The following CLSTN2 variants were observed in gnomAD, a reference collection of about 807,000 sequenced individuals.
CLSTN2 encodes calsyntenin 2, also known as calsyntenin-2.
A neutral mutation model predicts 101.2 loss-of-function variants in CLSTN2; 48 were observed. The observed-to-expected ratio is 0.47, with a 90% confidence interval of 0.38 to 0.60. The LOEUF is 0.60. Ranked by LOEUF, CLSTN2 falls within the 20% of genes least tolerant of loss-of-function variation. The probability of loss-of-function intolerance (pLI) is 0.00; values close to 1 mark genes in which losing one functional copy is unlikely to be tolerated. For missense variants in CLSTN2, 1,160 were observed against 1,238.2 expected, an observed-to-expected ratio of 0.94 and a Z score of 0.95; for synonymous variants, 481 against 463.6, an observed-to-expected ratio of 1.04 and a Z score of -0.48.
chr3:140,269,396 C>T (rs2086721697), intron 2 of CLSTN2, among the ~76,000 whole-genome samples: 1 of 152,212 alleles, frequency 6.6e-6, no homozygotes, highest in African/African-American at 2.4e-5. Context: ...TCACCTTTCT[C>T]CTGGCACGAT....
intron 2 of CLSTN2, among the ~76,000 whole-genome samples, chr3:140,290,638 G>T (rs557663288): frequency 6.6e-6 from 1 of 152,184 alleles, no homozygotes; most frequent in Admixed American, 6.5e-5. Flanking sequence ...GACAAGGAAA[G>T]GCTTTCCCTG....
chr3:140,175,836 T>A, intron 1 of CLSTN2, 115 bp from the exon 2 acceptor site: 1 of 1,012,792 alleles, frequency 9.9e-7, no homozygotes, highest in Non-Finnish European at 1.4e-6. Flanking sequence ...ATGTCTCTCA[T>A]GGGATTGTTG....
chr3:140,449,491 G>C (rs2081802), intron 6 of CLSTN2: 42,910 of 152,068 alleles, frequency 0.28, 7,030 homozygotes, highest in East Asian at 0.46. Flanking sequence ...AATGAAGGAG[G>C]TGACATTAAA....
At chr3:140,273,827 T>TCATAAATCCTAA (rs1277763756) in intron 2 of CLSTN2, among the ~76,000 whole-genome samples, 1 of 152,190 alleles carries the variant, frequency 6.6e-6, no homozygotes, top group East Asian at 1.9e-4. Context: ...CACTTTGTAG[T>TCATAAATCCTAA]TGATCAGTTC....
chr3:140,121,794 A>C (rs2009345044), intron 1 of CLSTN2, among the ~76,000 whole-genome samples: 1 of 152,194 alleles, frequency 6.6e-6, no homozygotes, highest in Non-Finnish European at 1.5e-5. Flanking sequence ...GAGACTGTCC[A>C]TAGCAGGGCA....
chr3:140,418,501 C>CTTT (rs1559863716), intron 4 of CLSTN2, among the ~76,000 whole-genome samples: 1 of 90,020 alleles, frequency 1.1e-5, no homozygotes, highest in African/African-American at 1.0e-4. Flanking sequence ...TTCTTTCTTT[C>CTTT]TTTCTTTCTT....
chr3:140,320,503 G>A (rs530300565), intron 2 of CLSTN2, among the ~76,000 whole-genome samples: 3 of 152,140 alleles, frequency 2.0e-5, no homozygotes, highest in South Asian at 2.1e-4. Flanking sequence ...TGTTGGCACT[G>A]AGCAGACACC....
intron 2 of CLSTN2, among the ~76,000 whole-genome samples, chr3:140,308,770 G>GT (rs1553730458): frequency 2.0e-5 from 3 of 152,212 alleles, no homozygotes; most frequent in Non-Finnish European, 2.9e-5. Flanking sequence ...CTTCACTCCA[G>GT]TTTTATGCTA....
chr3:140,070,121 T>C (rs774779551), intron 1 of CLSTN2, among the ~76,000 whole-genome samples: 1 of 152,236 alleles, frequency 6.6e-6, no homozygotes, highest in Non-Finnish European at 1.5e-5. Flanking sequence ...AGCACATTTG[T>C]GGTCACCTAT....
At chr3:140,020,139 G>T (rs1196468794) in intron 1 of CLSTN2, among the ~76,000 whole-genome samples, 2 of 152,142 alleles carry the variant, frequency 1.3e-5, no homozygotes, top group Non-Finnish European at 2.9e-5. Flanking sequence ...GGAGTGCCTT[G>T]CCTGGCATGT....
chr3:140,475,661 A>C (rs555854049), intron 8 of CLSTN2, among the ~76,000 whole-genome samples: 12 of 152,266 alleles, frequency 7.9e-5, no homozygotes, highest in Admixed American at 7.2e-4. Flanking sequence ...AAAGATGCTA[A>C]TGATTCTACA....
chr3:140,169,399 T>C (rs923049818), intron 1 of CLSTN2, among the ~76,000 whole-genome samples: 1 of 152,170 alleles, frequency 6.6e-6, no homozygotes, highest in Non-Finnish European at 1.5e-5. Context: ...AATTTTTGCA[T>C]TGATTATCAT....
chr3:140,572,139 A>T lies in CLSTN2; in HGVS notation c.*5886A>T, dbSNP rs1205747645. 1 of 152,240 alleles carries T rather than the reference A, an allele frequency of 6.6e-6. No homozygotes were observed. Among genetic ancestry groups the T allele is most frequent in the East Asian group, 1.9e-4 (1 of 5,190 alleles). 9.4% of individuals were successfully genotyped at this position (152,240 alleles called of 1,614,324 possible). ...GAGCAGTCAGGACTTTGGGGACAGA[A>T]GTTTAGTGTTAGGGAGGCAGGGTAA... On this transcript the variant is annotated 3_prime_UTR_variant, in exon 17 of 17. Coordinates refer to ENST00000458420, the MANE Select transcript of CLSTN2 (RefSeq NM_022131.3).
intron 8 of CLSTN2, among the ~76,000 whole-genome samples, chr3:140,520,782 C>T (rs1376928644): frequency 1.3e-5 from 2 of 152,200 alleles, no homozygotes; most frequent in East Asian, 3.8e-4. Flanking sequence ...TCTCCCCGTC[C>T]CTTTCAGGTA....
intron 2 of CLSTN2, among the ~76,000 whole-genome samples, chr3:140,330,854 G>A (rs1224909758): frequency 6.6e-6 from 1 of 152,184 alleles, no homozygotes; most frequent in Non-Finnish European, 1.5e-5. Flanking sequence ...ATTGTTCGTA[G>A]GCATCTAACC....
At chr3:140,425,319 G>A (rs1210535773) in intron 5 of CLSTN2, among the ~76,000 whole-genome samples, 1 of 152,212 alleles carries the variant, frequency 6.6e-6, no homozygotes, top group Non-Finnish European at 1.5e-5. Flanking sequence ...TCAGACTCCA[G>A]TGATGCCCCA....
chr3:140,433,137 G>A (rs1031161150), intron 5 of CLSTN2, among the ~76,000 whole-genome samples: 2 of 152,142 alleles, frequency 1.3e-5, no homozygotes, highest in African/African-American at 4.8e-5. Flanking sequence ...AAGCTATTTG[G>A]GGGAAAGTTC....
chr3:140,342,910 A>G (rs1156732456), intron 2 of CLSTN2, among the ~76,000 whole-genome samples: 3 of 152,148 alleles, frequency 2.0e-5, no homozygotes, highest in African/African-American at 7.2e-5. Flanking sequence ...CAGGGCCCCA[A>G]AGGCTAGTAT....
chr3:140,546,646 A>T lies in CLSTN2; in HGVS notation c.1639A>T (p.Ile547Phe). ...CLQACKEGLD[I>F]NSLESLGQGI... ...GCAGGCCTGCAAGGAAGGGCTGGAC[A>T]TTAATTCCTTGGAAAGCCTTGGCCA... is the stretch of plus-strand genomic sequence containing the variant. Residue 547 changes from isoleucine to phenylalanine, a missense_variant, in exon 10 of 17, where the codon ATT becomes TTT. Ile to Phe is a conservative substitution (Grantham distance 21, BLOSUM62 0). Coordinates refer to ENST00000458420, the MANE Select transcript of CLSTN2 (RefSeq NM_022131.3). 1 of 1,613,716 alleles carries T rather than the reference A, an allele frequency of 6.2e-7. No individual in the cohort carries two copies. Among genetic ancestry groups the T allele is most frequent in the Non-Finnish European group, 8.5e-7 (1 of 1,179,904 alleles).
Sources: allele counts gnomAD v4.1 joint callset (sites outside exome capture counted in the v4.1 genomes callset), GRCh38; gene constraint gnomAD v4.1.1; transcripts MANE v1.5; gene names NCBI Gene and HGNC (gene_info 2026-07-23, HGNC 2026-07-21).